CNTNAP4: variants seen among roughly 807,000 people sequenced by gnomAD.
The protein encoded by CNTNAP4 is contactin-associated protein-like 4.
CNTNAP4 carries 98 observed loss-of-function variants against 148.4 expected under a neutral mutation model. That is an observed-to-expected ratio of 0.66 (90% CI 0.56 to 0.78). The LOEUF is 0.78. Ranked by LOEUF, CNTNAP4 falls within the 30% of genes least tolerant of loss-of-function variation. The pLI, the probability that CNTNAP4 is intolerant of heterozygous loss-of-function variation, is 0.00. For synonymous variants in CNTNAP4, 730 were observed against 565.1 expected (o/e 1.29, Z -4.14); for missense variants, 1,935 against 1,565.6 (o/e 1.24, Z -3.98).
chr16:76,502,191 C>A (rs1483032601), intron 15 of CNTNAP4, among the ~76,000 whole-genome samples: 2 of 152,088 alleles, frequency 1.3e-5, no homozygotes, highest in Non-Finnish European at 2.9e-5. Flanking sequence ...CTATTTTTAG[C>A]GTTGAGGTTC....
At chr16:76,475,771 T>C (rs1030440305) in intron 10 of CNTNAP4, among the ~76,000 whole-genome samples, 168 bp from the exon 11 acceptor site, 2 of 152,230 alleles carry the variant, frequency 1.3e-5, no homozygotes, top group African/African-American at 4.8e-5. Context: ...GATGAATTTA[T>C]TGATCTAAGG....
At chr16:76,381,259 A>G (rs932628379) in intron 3 of CNTNAP4, among the ~76,000 whole-genome samples, 1 of 152,176 alleles carries the variant, frequency 6.6e-6, no homozygotes, top group Non-Finnish European at 1.5e-5. Flanking sequence ...TCTTGGAGAC[A>G]TTAACACAGA....
intron 15 of CNTNAP4, among the ~76,000 whole-genome samples, chr16:76,510,834 C>T (rs1286285836): frequency 1.3e-5 from 2 of 152,170 alleles, no homozygotes; most frequent in Non-Finnish European, 1.5e-5. Context: ...TTTTCTTTCT[C>T]TCAGGAATCT....
At chr16:76,536,218 T>C (rs764041887) in intron 18 of CNTNAP4, among the ~76,000 whole-genome samples, 4 of 152,046 alleles carry the variant, frequency 2.6e-5, no homozygotes, top group Non-Finnish European at 5.9e-5. Context: ...GACTGAGTCT[T>C]ACTCTGTCAC....
In CNTNAP4 at chr16:76,494,989, A is replaced by G. The variant is rs1315229357; in HGVS notation, c.2160A>G (p.Gln720=). 3 of 1,613,590 alleles carry G rather than the reference A, an allele frequency of 1.9e-6. No individual in the cohort carries two copies. Among genetic ancestry groups the G allele is most frequent in the African/African-American group, 1.3e-5 (1 of 74,902 alleles). ...GGGGAGGTTCTTCGCCTGATCTTCA[A>G]AAATGTACTTGTGGATTAGAGGGAA... is the stretch of plus-strand genomic sequence containing the variant. The part of the protein sequence containing the change: ...TYWGGSSPDL[Q]KCTCGLEGNC... Residue 720 remains glutamine (Q), a synonymous_variant, in exon 14 of 24, where the codon CAA becomes CAG. Coordinates refer to ENST00000611870, the MANE Select transcript of CNTNAP4 (RefSeq NM_033401.5).
rs757707401 is a variant in CNTNAP4, at chr16:76,479,528, C to T, written c.1872C>T (p.Cys624=). 68 of 1,606,628 alleles carry T rather than the reference C, an allele frequency of 4.2e-5. No homozygotes were observed. The highest frequency in any genetic ancestry group is 8.1e-5 in the African/African-American group (6 of 74,524). ...CCCTGGAACCATTTCTTCTATATTG[C>T]AATATGACCGGTGAGTTAATCAGCT... ...SGPLEPFLLY[C]NMTETAWTII... The change falls in exon 12 of 24, where the codon TGC becomes TGT. Residue 624 remains cysteine (C), a synonymous_variant. Transcript: ENST00000611870.
chr16:76,482,569 T>G (rs749896369), intron 12 of CNTNAP4, among the ~76,000 whole-genome samples: 2 of 152,152 alleles, frequency 1.3e-5, no homozygotes, highest in Non-Finnish European at 2.9e-5. Context: ...GGTGGCAAAC[T>G]CTGTGCCAAC....
chr16:76,411,403 T>C (rs4493084), intron 3 of CNTNAP4, among the ~76,000 whole-genome samples: 50,526 of 151,116 alleles, frequency 0.33, 9,221 homozygotes, highest in Middle Eastern at 0.48. Flanking sequence ...TAATTTACTT[T>C]AAATTTTATA....
chr16:76,285,102 G>A (rs913161164), intron 1 of CNTNAP4, among the ~76,000 whole-genome samples: 1 of 151,896 alleles, frequency 6.6e-6, no homozygotes, highest in Non-Finnish European at 1.5e-5. Context: ...TATCATTATT[G>A]CTTCAGTTTG....
At chr16:76,472,034 T>A (rs368256252) in intron 10 of CNTNAP4, among the ~76,000 whole-genome samples, 2 of 152,098 alleles carry the variant, frequency 1.3e-5, no homozygotes, top group East Asian at 1.9e-4. Context: ...TACTATCACT[T>A]TAGGTTTGGG....
intron 2 of CNTNAP4, among the ~76,000 whole-genome samples, chr16:76,343,674 T>C (rs1964671843): frequency 6.6e-6 from 1 of 152,064 alleles, no homozygotes. Context: ...TTACATTTGC[T>C]TACATTTGCT....
chr16:76,375,931 C>G (rs1485929423), intron 3 of CNTNAP4, among the ~76,000 whole-genome samples: 1 of 152,180 alleles, frequency 6.6e-6, no homozygotes, highest in Non-Finnish European at 1.5e-5. Flanking sequence ...CAGGCTCCAT[C>G]TCATGCAAGC....
chr16:76,448,627 A>C lies in CNTNAP4; in HGVS notation c.743-140A>C, dbSNP rs1487046179. 6.7e-6 allele frequency: 4 copies of C among 598,460 alleles called. No individual in the cohort carries two copies. In the East Asian group the frequency reaches 1.2e-4, roughly 18 times the overall value. 37.1% of individuals were successfully genotyped at this position (598,460 alleles called of 1,614,324 possible). A position where few individuals can be genotyped will look rare whatever the true frequency, so the allele number is the denominator to read the frequency against. The stretch of plus-strand genomic sequence containing the variant: ...ATATTATTATATTGAAACTTCGGGG[A>C]AATGCATCCTAGTATTTGAAACGGA... On this transcript the variant is annotated intron_variant, in intron 5 of 23. Transcript: ENST00000611870.
rs1489817809 is a variant in CNTNAP4 at position 76,291,822 on chromosome 16, T to C, written c.85+14075T>C. 3.3e-5 allele frequency among the ~76,000 whole-genome samples: 5 copies of C among 152,340 alleles called. No homozygotes were observed. The East Asian group carries it at 5.8e-4, about 18-fold the overall frequency. On this transcript the variant is annotated intron_variant, in intron 1 of 23. Coordinates refer to ENST00000611870, the MANE Select transcript of CNTNAP4 (RefSeq NM_033401.5). ...AAATTTGTAGGATGCCCTCCACGAA[T>C]TGAGAACTGGGACAGATGCTTGCCA...
At chr16:76,494,566 G>A in intron 13 of CNTNAP4, among the ~76,000 whole-genome samples, 1 of 151,996 alleles carries the variant, frequency 6.6e-6, no homozygotes, top group East Asian at 1.9e-4. Flanking sequence ...TTTATATTTT[G>A]ATGCTAACTT....
chr16:76,301,737 A>C (rs956768575), intron 1 of CNTNAP4, among the ~76,000 whole-genome samples: 1 of 152,182 alleles, frequency 6.6e-6, no homozygotes, highest in Non-Finnish European at 1.5e-5. Context: ...AGGAGGTGGG[A>C]GAACAGCTCT....
chr16:76,498,452 G>C, intron 14 of CNTNAP4, 115 bp from the exon 15 acceptor site: 4 of 686,836 alleles, frequency 5.8e-6, no homozygotes, highest in Non-Finnish European at 9.6e-6. Flanking sequence ...TCCGATGAGT[G>C]ACTGGATCCA....
chr16:76,503,391 C>T (rs1294751265), intron 15 of CNTNAP4, among the ~76,000 whole-genome samples: 1 of 151,976 alleles, frequency 6.6e-6, no homozygotes, highest in Non-Finnish European at 1.5e-5. Context: ...TTTGCACCAA[C>T]CTTAAGTGAG....
chr16:76,524,968 A>G (rs2083652711), intron 17 of CNTNAP4, among the ~76,000 whole-genome samples: 1 of 152,048 alleles, frequency 6.6e-6, no homozygotes, highest in South Asian at 2.1e-4. Context: ...AGGGCTCATA[A>G]AAAAGAAAAA....
Sources: allele counts gnomAD v4.1 joint callset (sites outside exome capture counted in the v4.1 genomes callset), GRCh38; gene constraint gnomAD v4.1.1; transcripts MANE v1.5; gene names NCBI Gene and HGNC (gene_info 2026-07-23, HGNC 2026-07-21).